CHD1L: variants seen among roughly 807,000 people sequenced by gnomAD.
CHD1L encodes chromodomain helicase DNA binding protein 1 like, also known as ATP-dependent chromatin remodeler CHD1L.
Under a neutral mutation model 115.9 loss-of-function variants are expected in CHD1L, and 118 were observed. The ratio of observed to expected loss-of-function variants is 1.02; its 90% CI spans 0.88 to 1.19. The LOEUF is 1.19. Among genes scored for constraint, CHD1L ranks in the 50% most tolerant of loss-of-function variants. The pLI is 0.00. For missense variants in CHD1L, 1,179 were observed against 1,065.3 expected, an observed-to-expected ratio of 1.11 and a Z score of -1.49; for synonymous variants, 411 against 387.1, an observed-to-expected ratio of 1.06 and a Z score of -0.72.
intron 5 of CHD1L, among the ~76,000 whole-genome samples, chr1:147,258,361 T>C (rs1670792794): frequency 6.6e-6 from 1 of 152,214 alleles, no homozygotes; most frequent in Non-Finnish European, 1.5e-5. Context: ...CCTGTTTCAC[T>C]GAACAAGCAT....
intron 9 of CHD1L, 125 bp from the exon 10 acceptor site, chr1:147,268,657 G>C (rs1009617600): frequency 9.0e-6 from 6 of 670,098 alleles, no homozygotes; most frequent in African/African-American, 5.4e-5. Flanking sequence ...TGTTAAGCAG[G>C]ACTGAGATCA....
At chr1:147,201,594 A>G in the CHD1L span, 15 of 890,252 alleles carry the variant, frequency 1.7e-5, no homozygotes, top group Non-Finnish European at 2.3e-5. Context: ...GGAGGTAAAC[A>G]GGATGCCAAT....
At chr1:147,266,963 C>T (rs782409658) in intron 8 of CHD1L, among the ~76,000 whole-genome samples, 1 of 152,148 alleles carries the variant, frequency 6.6e-6, no homozygotes, top group Non-Finnish European at 1.5e-5. Context: ...TGGTACTATC[C>T]ATGGTTTCCA....
At chr1:147,201,961 TAC>T in the CHD1L span, among the ~76,000 whole-genome samples, 2 of 152,318 alleles carry the variant, frequency 1.3e-5, no homozygotes, top group Non-Finnish European at 2.9e-5. Context: ...TGTAGCAATT[TAC>T]AGTTTATAAG....
intron 15 of CHD1L, 111 bp downstream of exon 15, chr1:147,280,302 C>G: frequency 9.0e-7 from 1 of 1,116,682 alleles, no homozygotes; most frequent in Non-Finnish European, 1.2e-6. Flanking sequence ...TTCTCCCTTA[C>G]CCTATTGTCA....
the CHD1L span, among the ~76,000 whole-genome samples, chr1:147,229,860 G>C: frequency 6.6e-6 from 1 of 151,852 alleles, no homozygotes; most frequent in African/African-American, 2.4e-5. Flanking sequence ...CATTGATTTT[G>C]TATCCTGAGA....
chr1:147,213,554 A>G, the CHD1L span: 90,641 of 1,183,652 alleles, frequency 0.077, 3,988 homozygotes, highest in African/African-American at 0.15. Context: ...GATATCACAG[A>G]CACTATCACA....
At chr1:147,248,396 C>A (rs769570555) in intron 1 of CHD1L, among the ~76,000 whole-genome samples, 1 of 152,018 alleles carries the variant, frequency 6.6e-6, no homozygotes, top group Non-Finnish European at 1.5e-5. Flanking sequence ...TTAATAGAGA[C>A]GGGGTTTCTC....
rs1301570299 is a variant in CHD1L, at chr1:147,252,630, CCTACG to C, written c.138_142del (p.Arg47LeufsTer24). ...TGTATTTTTTGTTTCTAGGGATTCACCTACGCTCTTACCAGCTGGAGGGAGTAAAC... is the reference window on the plus strand; with the variant it reads ...TGTATTTTTTGTTTCTAGGGATTCACCTCTTACCAGCTGGAGGGAGTAAAC... On this transcript the variant is annotated frameshift_variant, in exon 2 of 23. Transcript: ENST00000369258. LOFTEE classifies it high-confidence loss of function. 1 of 1,613,598 alleles carries C rather than the reference CCTACG, an allele frequency of 6.2e-7. No homozygotes were observed. Among genetic ancestry groups the C allele is most frequent in the Non-Finnish European group, 8.5e-7 (1 of 1,179,818 alleles).
chr1:147,229,929 T>G, the CHD1L span, among the ~76,000 whole-genome samples: 6 of 151,312 alleles, frequency 4.0e-5, no homozygotes, highest in African/African-American at 1.5e-4. Flanking sequence ...TGGGGTTTTC[T>G]AGATATACAA....
intron 15 of CHD1L, among the ~76,000 whole-genome samples, chr1:147,282,120 CTGA>C (rs1411910854): frequency 3.3e-5 from 5 of 152,194 alleles, no homozygotes; most frequent in African/African-American, 1.2e-4. Context: ...ATCACATGTG[CTGA>C]TGAAGTGCCA....
At chr1:147,178,143 G>T in the CHD1L span, 5 of 1,605,826 alleles carry the variant, frequency 3.1e-6, no homozygotes. Context: ...CGCTGTTCCC[G>T]GGCGTGGCGC....
At chr1:147,219,453 C>T in the CHD1L span, among the ~76,000 whole-genome samples, 1 of 152,060 alleles carries the variant, frequency 6.6e-6, no homozygotes. Flanking sequence ...TGAAAACTCT[C>T]AGCAAACTAG....
chr1:147,202,649 T>G, the CHD1L span, among the ~76,000 whole-genome samples: 1 of 152,276 alleles, frequency 6.6e-6, no homozygotes, highest in South Asian at 2.1e-4. Context: ...GAATACTATA[T>G]TAACTCATCT....
intron 17 of CHD1L, 116 bp from the exon 18 acceptor site, chr1:147,286,182 G>A: frequency 1.0e-6 from 1 of 1,003,862 alleles, no homozygotes; most frequent in Non-Finnish European, 1.4e-6. Flanking sequence ...ATCAGGGTGA[G>A]TTTCTAATTG....
At chr1:147,185,274 G>A in the CHD1L span, among the ~76,000 whole-genome samples, 10 of 151,992 alleles carry the variant, frequency 6.6e-5, no homozygotes, top group Admixed American at 5.2e-4. Flanking sequence ...TGTACTTATT[G>A]CTGATAACTA....
At chr1:147,210,971 T>C in the CHD1L span, 2 of 152,204 alleles carry the variant, frequency 1.3e-5, no homozygotes, top group East Asian at 1.9e-4. Context: ...CTGAAATATA[T>C]AGGTCCATTT....
intron 22 of CHD1L, 121 bp from the exon 23 acceptor site, chr1:147,295,310 G>T (rs587598681): frequency 9.9e-6 from 7 of 706,902 alleles, no homozygotes; most frequent in Non-Finnish European, 1.2e-5. Context: ...TTATGATATC[G>T]TGAGAGAATT....
chr1:147,265,552 T>C (rs1341950528), intron 7 of CHD1L, among the ~76,000 whole-genome samples: 1 of 152,214 alleles, frequency 6.6e-6, no homozygotes, highest in East Asian at 1.9e-4. Context: ...TGTGTGACTT[T>C]GGATAAGTTG....
Sources: gnomAD v4.1 joint callset for allele counts (sites outside exome capture counted in the v4.1 genomes callset) on GRCh38, gnomAD v4.1.1 for gene constraint, MANE v1.5 for transcripts, NCBI Gene and HGNC (gene_info 2026-07-23, HGNC 2026-07-21) for gene names.